IRF2: variants seen among roughly 807,000 people sequenced by gnomAD.
IRF2 encodes interferon regulatory factor 2.
In IRF2, 15 loss-of-function variants were observed where a neutral mutation model predicts 40.6. The observed-to-expected ratio is 0.37, with a 90% confidence interval of 0.25 to 0.57. The LOEUF (loss-of-function observed/expected upper bound fraction) is 0.57, where lower values mean the gene tolerates loss of function less well. Among genes scored for constraint, IRF2 ranks in the 20% least tolerant of loss-of-function variants. The pLI, the probability that IRF2 is intolerant of heterozygous loss-of-function variation, is 0.77. For synonymous variants in IRF2, 151 were observed against 165.5 expected, an observed-to-expected ratio of 0.91 and a Z score of 0.67; for missense variants, 317 against 455.7, an observed-to-expected ratio of 0.70 and a Z score of 2.77.
chr4:184,392,513 C>G (rs1015910009), intron 7 of IRF2, among the ~76,000 whole-genome samples: 1 of 152,238 alleles, frequency 6.6e-6, no homozygotes, highest in Non-Finnish European at 1.5e-5. Context: ...TCCCCCGTTA[C>G]GCAGAAGAGC....
At chr4:184,416,049 A>G (rs2149899100) in intron 5 of IRF2, among the ~76,000 whole-genome samples, 1 of 152,322 alleles carries the variant, frequency 6.6e-6, no homozygotes, top group East Asian at 1.9e-4. Flanking sequence ...CCAGGCTCAC[A>G]CTTGTAATTC....
In IRF2 at chr4:184,408,830, T is replaced by C. The variant is rs1039221284; in HGVS notation, c.412-555A>G. ...TGAGGCCCTGCATTGGATGGCTGGC[T>C]GATCACCCTGGCCTGAGTCCAGCCG... On this transcript the variant is annotated intron_variant, in intron 5 of 8. Coordinates refer to ENST00000393593, the MANE Select transcript of IRF2 (RefSeq NM_002199.4). The surrounding 1 kb of genome is among the most constrained non-coding windows in gnomAD (Gnocchi z 4.9). Among the ~76,000 whole-genome samples the C allele has an allele frequency of 6.6e-6, 1 of 152,236 alleles. No individual in the cohort carries two copies. The highest frequency in any genetic ancestry group is 2.4e-5 in the African/African-American group (1 of 41,458).
At chr4:184,401,677 T>A (rs1253022451) in intron 6 of IRF2, among the ~76,000 whole-genome samples, 2 of 152,108 alleles carry the variant, frequency 1.3e-5, no homozygotes, top group African/African-American at 2.4e-5. Context: ...AACAAGATAA[T>A]GGCCTGCCCT....
intron 1 of IRF2, among the ~76,000 whole-genome samples, chr4:184,460,973 A>G (rs1329061714): frequency 6.6e-6 from 1 of 152,242 alleles, no homozygotes; most frequent in Non-Finnish European, 1.5e-5. Context: ...AAGCCTTAAA[A>G]AAACCTTTTT....
intron 1 of IRF2, among the ~76,000 whole-genome samples, chr4:184,467,242 G>T (rs185049968): frequency 6.6e-6 from 1 of 152,082 alleles, no homozygotes; most frequent in Non-Finnish European, 1.5e-5. Context: ...TCACCCCTCC[G>T]ATCTCTAAAA....
At chr4:184,446,626 G>A (rs933359874) in intron 1 of IRF2, among the ~76,000 whole-genome samples, 3 of 152,164 alleles carry the variant, frequency 2.0e-5, no homozygotes, top group African/African-American at 7.2e-5. Context: ...CCCAGGCTGT[G>A]GCACTAGAAT....
intron 7 of IRF2, among the ~76,000 whole-genome samples, chr4:184,397,705 G>C (rs1264431371): frequency 6.6e-6 from 1 of 152,210 alleles, no homozygotes; most frequent in Non-Finnish European, 1.5e-5. Context: ...GCACAGGGAA[G>C]AATCCCTGAA....
At chr4:184,467,897 G>A (rs931300950) in intron 1 of IRF2, among the ~76,000 whole-genome samples, 15 of 152,134 alleles carry the variant, frequency 9.9e-5, no homozygotes, top group Admixed American at 9.2e-4. Flanking sequence ...AACAGGACAG[G>A]CTTTTATCAC....
intron 7 of IRF2, among the ~76,000 whole-genome samples, chr4:184,395,534 C>T (rs938067374): frequency 2.0e-5 from 3 of 150,894 alleles, no homozygotes; most frequent in Non-Finnish European, 4.4e-5. Context: ...GAACATAAAG[C>T]AAGAAAGGTG....
At chr4:184,426,423 C>T (rs929250397) in intron 2 of IRF2, among the ~76,000 whole-genome samples, 4 of 152,162 alleles carry the variant, frequency 2.6e-5, no homozygotes, top group Non-Finnish European at 5.9e-5. Flanking sequence ...CCTCACATGC[C>T]CCTCTCCTCT....
intron 1 of IRF2, among the ~76,000 whole-genome samples, chr4:184,466,714 T>C (rs1040467145): frequency 1.3e-5 from 2 of 152,188 alleles, no homozygotes; most frequent in Non-Finnish European, 2.9e-5. Flanking sequence ...AGCACACTTA[T>C]ACATTCTGAG....
At chr4:184,426,906 G>A (rs1480043916) in intron 2 of IRF2, among the ~76,000 whole-genome samples, 1 of 152,178 alleles carries the variant, frequency 6.6e-6, no homozygotes, top group African/African-American at 2.4e-5. Context: ...ACCTCTCTGT[G>A]CCTTGGTTTC....
intron 1 of IRF2, among the ~76,000 whole-genome samples, chr4:184,445,075 A>C (rs1738453653): frequency 1.3e-5 from 2 of 152,142 alleles, no homozygotes; most frequent in Admixed American, 1.3e-4. Flanking sequence ...CTCTTCCCCC[A>C]CAGCACCAAT....
At chr4:184,452,798 G>GAAAAAAAAAAAAAAAAAAAAAAAA (rs1579104870) in intron 1 of IRF2, among the ~76,000 whole-genome samples, 1 of 123,000 alleles carries the variant, frequency 8.1e-6, no homozygotes, top group African/African-American at 3.2e-5. Flanking sequence ...AAAAAAAAGG[G>GAAAAAAAAAAAAAAAAAAAAAAAA]AAAGAAAGAA....
Position 184,390,760 on chromosome 4 carries a change from A to T in IRF2, c.695-11T>A. The stretch of plus-strand genomic sequence containing the variant: ...CAGTCGTTTCGCTTTCTGTTCACAG[A>T]GAGAAAAACACAGGGCCATCATTCC... On this transcript the variant is annotated splice_polypyrimidine_tract_variant and intron_variant, in intron 7 of 8. Transcript: ENST00000393593. 1 of 1,614,200 alleles carries T rather than the reference A, an allele frequency of 6.2e-7. No homozygotes were observed. The highest frequency in any genetic ancestry group is 8.5e-7 in the Non-Finnish European group (1 of 1,180,018).
intron 6 of IRF2, chr4:184,407,128 C>A (rs1448846563): frequency 3.2e-6 from 4 of 1,238,680 alleles, no homozygotes; most frequent in Non-Finnish European, 4.2e-6. Flanking sequence ...CACCTGCAAA[C>A]TTTTTACACT....
intron 6 of IRF2, among the ~76,000 whole-genome samples, chr4:184,401,261 C>G (rs563995996): frequency 3.9e-5 from 6 of 152,286 alleles, no homozygotes; most frequent in African/African-American, 1.4e-4. Flanking sequence ...GTTTTAATTG[C>G]TGTCTGTGGA....
chr4:184,397,068 GACTGGC>G (rs1197969658), intron 7 of IRF2, among the ~76,000 whole-genome samples: 4 of 152,216 alleles, frequency 2.6e-5, no homozygotes, highest in Admixed American at 2.6e-4. Flanking sequence ...ACCAAACAGG[GACTGGC>G]ACGTGTAAGA....
chr4:184,399,151 G>T, intron 6 of IRF2, 72 bp from the exon 7 acceptor site: 1 of 1,482,208 alleles, frequency 6.7e-7, no homozygotes, highest in Non-Finnish European at 9.0e-7. Flanking sequence ...TCAAGAAAGA[G>T]TCTTCCCCAA....
Sources: allele counts gnomAD v4.1 joint callset (sites outside exome capture counted in the v4.1 genomes callset), GRCh38; gene constraint gnomAD v4.1.1; non-coding constraint Gnocchi (gnomAD v3.1); transcripts MANE v1.5; gene names NCBI Gene and HGNC (gene_info 2026-07-23, HGNC 2026-07-21).